The following ARHGAP28 variants were observed in gnomAD, a reference collection of about 807,000 sequenced individuals.
ARHGAP28 encodes Rho GTPase activating protein 28.
A neutral mutation model predicts 90.7 loss-of-function variants in ARHGAP28; 56 were observed. That is an observed-to-expected ratio of 0.62 (90% CI 0.50 to 0.77). The LOEUF (loss-of-function observed/expected upper bound fraction) is 0.77. ARHGAP28 is among the 30% of genes least tolerant of loss of function. The probability of loss-of-function intolerance (pLI) is 0.00; values close to 1 mark genes in which losing one functional copy is unlikely to be tolerated. For synonymous variants in ARHGAP28, 308 were observed against 323.3 expected (o/e 0.95, Z 0.51); for missense variants, 869 against 900.9 (o/e 0.96, Z 0.45).
intron 1 of ARHGAP28, chr18:6,791,591 C>T (rs1200271682): frequency 6.6e-6 from 1 of 152,172 alleles, no homozygotes; most frequent in Non-Finnish European, 1.5e-5. Context: ...TGCAGAATTA[C>T]CATGCATGCT....
At chr18:6,876,509 C>A (rs1346853536) in intron 10 of ARHGAP28, among the ~76,000 whole-genome samples, 1 of 152,148 alleles carries the variant, frequency 6.6e-6, no homozygotes, top group African/African-American at 2.4e-5. Context: ...CATCAATTCA[C>A]CATCAAAAAC....
intron 3 of ARHGAP28, 65 bp downstream of exon 3, chr18:6,837,479 G>C: frequency 9.1e-7 from 1 of 1,101,840 alleles, no homozygotes; most frequent in Non-Finnish European, 1.3e-6. Flanking sequence ...GTAGGGTGGG[G>C]CTGGGGTGGA....
intron 1 of ARHGAP28, among the ~76,000 whole-genome samples, chr18:6,803,585 G>A (rs902257281): frequency 6.6e-6 from 1 of 151,908 alleles, no homozygotes; most frequent in African/African-American, 2.4e-5. Context: ...GGGTAATGCT[G>A]GCCTCATAGA....
chr18:6,729,828 G>A lies in ARHGAP28; in HGVS notation c.7G>A (p.Val3Met). The A allele has an allele frequency of 1.4e-6, 2 of 1,422,048 alleles. No homozygotes were observed. The highest frequency in any genetic ancestry group is 1.8e-6 in the Non-Finnish European group (2 of 1,090,196). 88.1% of individuals were successfully genotyped at this position (1,422,048 alleles called of 1,614,324 possible). A position where few individuals can be genotyped will look rare whatever the true frequency, so the allele number is the denominator to read the frequency against. Residue 3 changes from valine (V) to methionine (M), a missense_variant, in exon 1 of 18, where the codon GTG (valine) becomes ATG (methionine). By Grantham distance (21) the Val-to-Met change is conservative. Coordinates refer to ENST00000383472, the MANE Select transcript of ARHGAP28 (RefSeq NM_001366230.1). ...GAGACATGCGCGGCTGACGATGGAG[G>A]TGGAGGACTCGGGCGGCGTGGTGCT... ME[V>M]EDSGGVVLTA...
chr18:6,750,855 A>G (rs1465549225), intron 1 of ARHGAP28, among the ~76,000 whole-genome samples: 1 of 152,222 alleles, frequency 6.6e-6, no homozygotes, highest in Non-Finnish European at 1.5e-5. Flanking sequence ...TTTAAAACAT[A>G]GCACTTGACA....
intron 1 of ARHGAP28, among the ~76,000 whole-genome samples, chr18:6,774,661 A>T (rs770426556): frequency 6.6e-6 from 1 of 152,184 alleles, no homozygotes; most frequent in African/African-American, 2.4e-5. Context: ...ACTGAGGTAG[A>T]TAGAGTTCAT....
chr18:6,835,441 A>G (rs576181105), intron 2 of ARHGAP28, among the ~76,000 whole-genome samples: 1 of 152,348 alleles, frequency 6.6e-6, no homozygotes, highest in Admixed American at 6.5e-5. Flanking sequence ...CTTACAAAGC[A>G]AATGAACAAT....
chr18:6,764,837 A>T (rs2056187992), intron 1 of ARHGAP28, among the ~76,000 whole-genome samples: 1 of 152,072 alleles, frequency 6.6e-6, no homozygotes, highest in Non-Finnish European at 1.5e-5. Context: ...GTTAGAAATT[A>T]CGGGCAGTTG....
rs116022070 is a variant in ARHGAP28, at chr18:6,753,790, T to G, written c.122+23847T>G. Among the ~76,000 whole-genome samples, 1,093 of 152,304 alleles carry G rather than the reference T, an allele frequency of 7.2e-3. 15 individuals are homozygous for G. Among genetic ancestry groups the G allele is most frequent in the African/African-American group, 0.025 (1,031 of 41,584 alleles). ...AGTAGCGTTTCATCTTCAAACACTTTACCCCTCGCATACCAATTTTTGTCT... is the reference window on the plus strand; with the variant it reads ...AGTAGCGTTTCATCTTCAAACACTTGACCCCTCGCATACCAATTTTTGTCT... On this transcript the variant is annotated intron_variant, in intron 1 of 17. Coordinates refer to ENST00000383472, the MANE Select transcript of ARHGAP28 (RefSeq NM_001366230.1).
chr18:6,743,315 G>A (rs1021308851), intron 1 of ARHGAP28, among the ~76,000 whole-genome samples: 1 of 152,044 alleles, frequency 6.6e-6, no homozygotes, highest in African/African-American at 2.4e-5. Context: ...AAAATAATAT[G>A]GAAGCATTTC....
At chr18:6,818,109 A>G (rs995879994) in intron 1 of ARHGAP28, among the ~76,000 whole-genome samples, 6 of 152,196 alleles carry the variant, frequency 3.9e-5, no homozygotes, top group African/African-American at 1.4e-4. Context: ...ACTCCTCGTA[A>G]CAGCCCCTCG....
chr18:6,748,069 A>C (rs989337216), intron 1 of ARHGAP28, among the ~76,000 whole-genome samples: 1 of 152,216 alleles, frequency 6.6e-6, no homozygotes, highest in Non-Finnish European at 1.5e-5. Context: ...ATCTGCATTC[A>C]AGCTCATGGC....
rs2057184396 is a variant in ARHGAP28, at chr18:6,882,209, G to T, written c.1363G>T (p.Ala455Ser). 6.2e-7 allele frequency: 1 copy of T among 1,614,082 alleles called. No individual in the cohort carries two copies. The highest frequency in any genetic ancestry group is 8.5e-7 in the Non-Finnish European group (1 of 1,179,980). Residue 455 changes from alanine to serine, a missense_variant, in exon 11 of 18, where the codon GCT becomes TCT. Ala to Ser is a moderately conservative substitution (Grantham distance 99, BLOSUM62 1). Transcript: ENST00000383472. ...FKWDKMCHRE[A>S]AVMLKAFFRE... ...ATGGGACAAAATGTGCCATAGAGAA[G>T]CTGCAGTAATGTTGAAAGCGTTTTT...
intron 7 of ARHGAP28, among the ~76,000 whole-genome samples, chr18:6,871,177 TG>T (rs1419353044): frequency 6.6e-6 from 1 of 152,194 alleles, no homozygotes. Context: ...ACACTACCAT[TG>T]GGGGTGTTAT....
Position 6,883,301 on chromosome 18 carries a change from C to T in ARHGAP28, c.1453+1002C>T, listed in dbSNP as rs554853157. ...TTGCCCAGGCTGGAGTTCAGTGATG[C>T]GATCTTGGCTCACAGCAACCTCCAC... On this transcript the variant is annotated intron_variant, in intron 11 of 17. Coordinates refer to ENST00000383472, the MANE Select transcript of ARHGAP28 (RefSeq NM_001366230.1). 2.7e-5 allele frequency among the ~76,000 whole-genome samples: 4 copies of T among 150,790 alleles called. No homozygotes were observed. In the South Asian group the frequency reaches 6.3e-4, roughly 24 times the overall value.
intron 1 of ARHGAP28, among the ~76,000 whole-genome samples, chr18:6,747,278 A>C (rs2056031475): frequency 6.6e-6 from 1 of 152,118 alleles, no homozygotes; most frequent in Admixed American, 6.5e-5. Flanking sequence ...TGAGTTGGAC[A>C]TGTGGATATG....
rs2056560976 is a variant in ARHGAP28, at chr18:6,812,058, G to C, written c.123-12704G>C. On this transcript the variant is annotated intron_variant, in intron 1 of 17. Transcript: ENST00000383472. ...GTTTTCTGACTAAGAATGCAGCCTT[G>C]CTCCAATAGCCAAACCATATTTTCC... Among the ~76,000 whole-genome samples the C allele has an allele frequency of 1.3e-5, 2 of 152,148 alleles. 1 individual carries two copies. The highest frequency in any genetic ancestry group is 4.1e-4 in the South Asian group (2 of 4,824).
At chr18:6,761,571 G>T (rs981907624) in intron 1 of ARHGAP28, among the ~76,000 whole-genome samples, 2 of 152,134 alleles carry the variant, frequency 1.3e-5, no homozygotes, top group African/African-American at 4.8e-5. Context: ...ACCATCAGCT[G>T]CCCAGCCATA....
chr18:6,831,022 G>A (rs1405234858), intron 2 of ARHGAP28, among the ~76,000 whole-genome samples: 1 of 152,120 alleles, frequency 6.6e-6, no homozygotes, highest in African/African-American at 2.4e-5. Flanking sequence ...ATTTTTCCAA[G>A]TAGTTGTACT....
Sources: allele counts gnomAD v4.1 joint callset (sites outside exome capture counted in the v4.1 genomes callset), GRCh38; gene constraint gnomAD v4.1.1; transcripts MANE v1.5; gene names NCBI Gene and HGNC (gene_info 2026-07-23, HGNC 2026-07-21).